The following INTS7 variants were observed in gnomAD, a reference collection of about 807,000 sequenced individuals.
INTS7 encodes integrator complex subunit 7, also known as chromosome 1 open reading frame 73.
Under a neutral mutation model 109.2 loss-of-function variants are expected in INTS7, and 46 were observed. The ratio of observed to expected loss-of-function variants is 0.42; its 90% CI spans 0.33 to 0.54. The LOEUF (loss-of-function observed/expected upper bound fraction) is 0.54. Among genes scored for constraint, INTS7 ranks in the 20% least tolerant of loss-of-function variants. INTS7 has a pLI of 0.07. For missense variants in INTS7, 929 were observed against 1,132.4 expected (o/e 0.82, Z 2.58); for synonymous variants, 412 against 402.9 (o/e 1.02, Z -0.27).
chr1:211,941,778 C>A lies in INTS7; in HGVS notation c.*46G>T. Reference sequence around the variant, plus strand: ...ATATGAAAAACCAAACTGTTTCTGGCAATTTGATTGATCTCTTGAGAGTCT... The same window carrying A: ...ATATGAAAAACCAAACTGTTTCTGGAAATTTGATTGATCTCTTGAGAGTCT... On this transcript the variant is annotated 3_prime_UTR_variant, in exon 20 of 20. Coordinates refer to ENST00000366994, the MANE Select transcript of INTS7 (RefSeq NM_015434.4). 1 of 1,580,082 alleles carries A rather than the reference C, an allele frequency of 6.3e-7. No homozygotes were observed. The highest frequency in any genetic ancestry group is 8.6e-7 in the Non-Finnish European group (1 of 1,163,360).
chr1:212,030,533 C>G (rs1015284026), intron 1 of INTS7, among the ~76,000 whole-genome samples: 1 of 152,134 alleles, frequency 6.6e-6, no homozygotes, highest in Non-Finnish European at 1.5e-5. Flanking sequence ...AGGTGATCCG[C>G]CCGCCTCGGC....
intron 7 of INTS7, among the ~76,000 whole-genome samples, chr1:212,006,302 T>G (rs1470145184): frequency 6.6e-6 from 1 of 152,078 alleles, no homozygotes; most frequent in Non-Finnish European, 1.5e-5. Flanking sequence ...ATTCAGCCCC[T>G]AAATTTTTCT....
chr1:211,979,047 A>C (rs1463240815), intron 10 of INTS7, among the ~76,000 whole-genome samples: 1 of 152,178 alleles, frequency 6.6e-6, no homozygotes. Flanking sequence ...TTCTCAACTG[A>C]AATCTAAAAA....
At chr1:212,028,776 A>G (rs776802657) in intron 1 of INTS7, among the ~76,000 whole-genome samples, 4 of 152,228 alleles carry the variant, frequency 2.6e-5, no homozygotes, top group South Asian at 2.1e-4. Context: ...AGCACTTTGC[A>G]TGTATTAAAG....
chr1:211,978,859 G>C (rs974644872), intron 10 of INTS7, among the ~76,000 whole-genome samples: 2 of 152,174 alleles, frequency 1.3e-5, no homozygotes, highest in Non-Finnish European at 2.9e-5. Flanking sequence ...AACTGCTTCT[G>C]AAGTGTGGCT....
Position 211,941,964 on chromosome 1 carries a change from C to T in INTS7, c.2749G>A (p.Val917Ile). ...ESSVKDANGI[V>I]WKTGPRTTIF... is the part of the protein sequence containing the mutation. ...GTAGTTCTGGGACCAGTCTTCCATA[C>T]TATACCATTGGCATCTTTCACAGAA... The change falls in exon 20 of 20, where the codon GTA becomes ATA. Residue 917 changes from valine to isoleucine, a missense_variant. Transcript: ENST00000366994. 1 of 1,614,216 alleles carries T rather than the reference C, an allele frequency of 6.2e-7. No individual in the cohort carries two copies. The highest frequency in any genetic ancestry group is 1.1e-5 in the South Asian group (1 of 91,084).
intron 6 of INTS7, among the ~76,000 whole-genome samples, chr1:212,006,995 CTT>C (rs879673732): frequency 4.9e-5 from 7 of 143,710 alleles, no homozygotes; most frequent in Admixed American, 7.0e-5. Flanking sequence ...TCAATCCTTT[CTT>C]TTTTTTTTTT....
At chr1:211,945,599 A>C (rs1662814168) in intron 18 of INTS7, among the ~76,000 whole-genome samples, 1 of 152,266 alleles carries the variant, frequency 6.6e-6, no homozygotes, top group African/African-American at 2.4e-5. Flanking sequence ...CCCTGGAGAC[A>C]TCCTACTTTA....
chr1:211,977,364 A>G (rs1390912660), intron 11 of INTS7, among the ~76,000 whole-genome samples: 1 of 152,208 alleles, frequency 6.6e-6, no homozygotes, highest in African/African-American at 2.4e-5. Context: ...TTAAGGTAGT[A>G]CTCACAAAAA....
chr1:212,023,985 C>T (rs778129922), intron 1 of INTS7, among the ~76,000 whole-genome samples: 1 of 152,150 alleles, frequency 6.6e-6, no homozygotes, highest in Non-Finnish European at 1.5e-5. Context: ...TTTCCCATTG[C>T]TTATTTTTAT....
At chr1:211,978,020 G>T (rs1382318563) in intron 11 of INTS7, among the ~76,000 whole-genome samples, 3 of 152,144 alleles carry the variant, frequency 2.0e-5, no homozygotes, top group Admixed American at 1.3e-4. Context: ...AGGCTGATTT[G>T]ACAGGGTTTC....
At chr1:211,945,086 C>T in intron 18 of INTS7, 117 bp from the exon 19 acceptor site, 1 of 840,414 alleles carries the variant, frequency 1.2e-6, no homozygotes. Flanking sequence ...ACTCCCCCAC[C>T]CCCACAGGAC....
At chr1:211,968,389 G>C in intron 14 of INTS7, 124 bp downstream of exon 14, 1 of 784,992 alleles carries the variant, frequency 1.3e-6, no homozygotes, top group Middle Eastern at 3.0e-4. Flanking sequence ...AGACAGTTGA[G>C]TGAATAAACA....
intron 17 of INTS7, among the ~76,000 whole-genome samples, chr1:211,951,457 G>A (rs558638924): frequency 5.8e-4 from 89 of 152,226 alleles, no homozygotes; most frequent in Non-Finnish European, 8.8e-4. Context: ...ACAGGCATGC[G>A]CCACCATGCC....
At chr1:212,010,438 T>G (rs1666118301) in intron 5 of INTS7, among the ~76,000 whole-genome samples, 1 of 152,160 alleles carries the variant, frequency 6.6e-6, no homozygotes, top group South Asian at 2.1e-4. Context: ...AATCTGGATT[T>G]GATTCTAAAT....
chr1:211,945,848 T>C (rs1662824471), intron 18 of INTS7, among the ~76,000 whole-genome samples: 1 of 152,248 alleles, frequency 6.6e-6, no homozygotes, highest in Non-Finnish European at 1.5e-5. Context: ...TTCAAAATAC[T>C]AATTCTACTC....
At chr1:211,967,842 A>G (rs1288952951) in intron 15 of INTS7, 36 bp downstream of exon 15, 10 of 1,157,288 alleles carry the variant, frequency 8.6e-6, no homozygotes, top group Non-Finnish European at 1.2e-5. Context: ...AATACTTCCA[A>G]AAAGAACAAG....
At chr1:212,014,598 G>A (rs149726340) in intron 4 of INTS7, among the ~76,000 whole-genome samples, 7 of 140,842 alleles carry the variant, frequency 5.0e-5, no homozygotes, top group East Asian at 2.3e-4. Context: ...GATGCCGAGC[G>A]GAGGCTGGAC....
At chr1:211,954,321 G>A (rs1182387098) in intron 16 of INTS7, among the ~76,000 whole-genome samples, 8 of 152,226 alleles carry the variant, frequency 5.3e-5, no homozygotes, top group East Asian at 3.9e-4. Context: ...AGTAGGTTGC[G>A]AAAATTTTCT....
Sources: gnomAD v4.1 joint callset for allele counts (sites outside exome capture counted in the v4.1 genomes callset) on GRCh38, gnomAD v4.1.1 for gene constraint, MANE v1.5 for transcripts, NCBI Gene and HGNC (gene_info 2026-07-23, HGNC 2026-07-21) for gene names.